Variants in ILRUN observed in about 807,000 individuals in gnomAD.
ILRUN encodes protein ILRUN.
In ILRUN, 3 loss-of-function variants were observed where a neutral mutation model predicts 33.8. That is an observed-to-expected ratio of 0.09 (90% confidence interval 0.04 to 0.23). ILRUN has a LOEUF of 0.23. Among genes scored for constraint, ILRUN ranks in the 10% least tolerant of loss-of-function variants. The pLI is 1.00. For synonymous variants in ILRUN, 124 were observed against 138.9 expected (o/e 0.89, Z 0.75); for missense variants, 210 against 375.1 (o/e 0.56, Z 3.64).
chr6:34,658,956 T>C (rs1013053565), intron 1 of ILRUN, among the ~76,000 whole-genome samples: 6 of 152,232 alleles, frequency 3.9e-5, no homozygotes, highest in African/African-American at 7.2e-5. Flanking sequence ...GCTGTGAAGA[T>C]TGCAGAGGCA....
chr6:34,688,133 G>C (rs1228233301), intron 1 of ILRUN, among the ~76,000 whole-genome samples: 1 of 152,198 alleles, frequency 6.6e-6, no homozygotes, highest in Admixed American at 6.5e-5. Flanking sequence ...GGGGTTGGGG[G>C]GTGGCTCATG....
intron 1 of ILRUN, among the ~76,000 whole-genome samples, chr6:34,665,065 G>A (rs1290814724): frequency 3.3e-5 from 5 of 151,896 alleles, no homozygotes; most frequent in Admixed American, 2.6e-4. Context: ...TGAACTCCTG[G>A]ACTCAGGCAA....
At position 34,596,723 on chromosome 6, in the gene ILRUN, C is replaced by G. The variant is rs150105433; in HGVS notation, c.862-6123G>C. Among the ~76,000 whole-genome samples the G allele has an allele frequency of 4.0e-3, 611 of 152,322 alleles. 1 individual carries two copies. Among genetic ancestry groups the G allele is most frequent in the Middle Eastern group, 0.014 (4 of 294 alleles). ...CAAAGAATAGGAAAAAACCCTACTTCTACACTCAAGGGCTGATGACAGGGC... is the reference window on the plus strand; with the variant it reads ...CAAAGAATAGGAAAAAACCCTACTTGTACACTCAAGGGCTGATGACAGGGC... On this transcript the variant is annotated intron_variant, in intron 4 of 4. Transcript: ENST00000374023.
At chr6:34,668,654 G>T (rs892735353) in intron 1 of ILRUN, among the ~76,000 whole-genome samples, 5 of 152,050 alleles carry the variant, frequency 3.3e-5, no homozygotes, top group Admixed American at 1.3e-4. Context: ...GCCTTCAGAG[G>T]CTACCTGTGA....
intron 3 of ILRUN, among the ~76,000 whole-genome samples, chr6:34,627,733 C>T (rs556146215): frequency 2.3e-5 from 3 of 132,168 alleles, no homozygotes; most frequent in South Asian, 2.3e-4. Flanking sequence ...GACAGAGTTT[C>T]GCTCTTGTAG....
At chr6:34,683,501 T>TATATATATATACATATATATATAC (rs1562033250) in intron 1 of ILRUN, among the ~76,000 whole-genome samples, 5 of 91,928 alleles carry the variant, frequency 5.4e-5, no homozygotes, top group African/African-American at 1.6e-4. Flanking sequence ...TATATATACA[T>TATATATATATACATATATATATAC]ATATATATAT....
chr6:34,640,319 G>A (rs1257284475), intron 3 of ILRUN, among the ~76,000 whole-genome samples: 1 of 151,856 alleles, frequency 6.6e-6, no homozygotes, highest in Non-Finnish European at 1.5e-5. Context: ...GAAACAGGGT[G>A]GAGGAGACCT....
chr6:34,674,150 C>T (rs540126638), intron 1 of ILRUN, among the ~76,000 whole-genome samples: 8 of 152,188 alleles, frequency 5.3e-5, no homozygotes, highest in African/African-American at 9.6e-5. Flanking sequence ...CCTCAGCCTC[C>T]GGAGTAGCTG....
At chr6:34,660,180 A>G (rs1762859462) in intron 1 of ILRUN, among the ~76,000 whole-genome samples, 1 of 151,728 alleles carries the variant, frequency 6.6e-6, no homozygotes. Context: ...GCATACACCT[A>G]TAGTCCCAGC....
intron 2 of ILRUN, among the ~76,000 whole-genome samples, chr6:34,650,407 T>TTTTTTTTTA (rs371474504): frequency 1.4e-5 from 2 of 141,440 alleles, no homozygotes; most frequent in African/African-American, 5.1e-5. Flanking sequence ...ATTTATTTAT[T>TTTTTTTTTA]TTTATTTATT....
At chr6:34,694,946 G>A (rs1763726609) in intron 1 of ILRUN, among the ~76,000 whole-genome samples, 1 of 151,476 alleles carries the variant, frequency 6.6e-6, no homozygotes. Flanking sequence ...AGCTGCTGGG[G>A]AGGTTGAGAC....
At chr6:34,591,499 ATTTTTTTT>A (rs545549009) in intron 4 of ILRUN, among the ~76,000 whole-genome samples, 1 of 139,428 alleles carries the variant, frequency 7.2e-6, no homozygotes, top group African/African-American at 2.7e-5. Flanking sequence ...TCCTGTCTCA[ATTTTTTTT>A]TTTTTTTTTG....
intron 3 of ILRUN, among the ~76,000 whole-genome samples, chr6:34,638,161 T>A (rs920215243): frequency 2.0e-5 from 3 of 151,838 alleles, no homozygotes; most frequent in African/African-American, 7.3e-5. Context: ...GTGCTGGGAC[T>A]ACAGGCATGA....
intron 3 of ILRUN, among the ~76,000 whole-genome samples, chr6:34,619,358 A>G (rs1157024330): frequency 1.3e-5 from 2 of 151,904 alleles, no homozygotes; most frequent in Non-Finnish European, 2.9e-5. Flanking sequence ...ATTTCCATTA[A>G]CTTGTTTTTG....
intron 3 of ILRUN, among the ~76,000 whole-genome samples, chr6:34,636,647 T>C (rs1048423751): frequency 2.6e-5 from 4 of 152,152 alleles, no homozygotes; most frequent in Non-Finnish European, 5.9e-5. Flanking sequence ...ATAAACTGTA[T>C]CAAAAACTAA....
chr6:34,612,309 T>C (rs1582043443), intron 3 of ILRUN, among the ~76,000 whole-genome samples: 1 of 152,238 alleles, frequency 6.6e-6, no homozygotes, highest in Admixed American at 6.5e-5. Context: ...CACACGCTTG[T>C]AGACCCAGCT....
chr6:34,628,516 T>C (rs1275886738), intron 3 of ILRUN, among the ~76,000 whole-genome samples: 7 of 152,002 alleles, frequency 4.6e-5, no homozygotes, highest in Admixed American at 4.6e-4. Context: ...GTAATTTTAG[T>C]AGACACGGGG....
At chr6:34,682,026 A>T (rs866643558) in intron 1 of ILRUN, among the ~76,000 whole-genome samples, 22,613 of 124,060 alleles carry the variant, frequency 0.18, 2,587 homozygotes, top group East Asian at 0.27. Flanking sequence ...TAATTCTTAT[A>T]TTTTTATTTT....
At chr6:34,591,186 A>G (rs192719998) in intron 4 of ILRUN, among the ~76,000 whole-genome samples, 1 of 152,304 alleles carries the variant, frequency 6.6e-6, no homozygotes, top group East Asian at 1.9e-4. Flanking sequence ...AGAGAATAAG[A>G]CTTGTTCAAG....
Sources: gnomAD v4.1 joint callset for allele counts (sites outside exome capture counted in the v4.1 genomes callset) on GRCh38, gnomAD v4.1.1 for gene constraint, MANE v1.5 for transcripts, NCBI Gene and HGNC (gene_info 2026-07-23, HGNC 2026-07-21) for gene names.